The following ATF3 variants were observed in gnomAD, a reference collection of about 807,000 sequenced individuals.
ATF3 encodes activating transcription factor 3.
Under a neutral mutation model 18.4 loss-of-function variants are expected in ATF3, and 10 were observed. The ratio of observed to expected loss-of-function variants is 0.54; its 90% confidence interval spans 0.34 to 0.92. The LOEUF (loss-of-function observed/expected upper bound fraction) is 0.92. Among genes scored for constraint, ATF3 ranks in the 40% least tolerant of loss-of-function variants. The pLI, the probability that ATF3 is intolerant of heterozygous loss-of-function variation, is 0.02. For missense variants in ATF3, 183 were observed against 222.3 expected, an observed-to-expected ratio of 0.82 and a Z score of 1.12; for synonymous variants, 78 against 87.9, an observed-to-expected ratio of 0.89 and a Z score of 0.63.
intron 1 of ATF3, among the ~76,000 whole-genome samples, chr1:212,601,833 A>G (rs1654492328): frequency 6.6e-6 from 1 of 152,310 alleles, no homozygotes; most frequent in Middle Eastern, 3.4e-3. Flanking sequence ...TCAGGTTTCC[A>G]TATGACTTGG....
chr1:212,614,456 G>A (rs1051080502), intron 1 of ATF3, among the ~76,000 whole-genome samples: 5 of 152,082 alleles, frequency 3.3e-5, no homozygotes, highest in African/African-American at 1.2e-4. Context: ...CTTCAGAGAT[G>A]TATTTGCTAA....
chr1:212,618,667 T>TG lies in ATF3; in HGVS notation c.348+434dup. On this transcript the variant is annotated intron_variant, in intron 3 of 3. Transcript: ENST00000341491. The surrounding 1 kb of genome is among the most constrained non-coding windows in gnomAD (Gnocchi z 4.4). Reference sequence around the variant, plus strand: ...TTAATCCACAAGCAGTGGTTACACTTGCTTTGCATTCTTGTCTGGTTCCTA... The same window carrying TG: ...TTAATCCACAAGCAGTGGTTACACTTGGCTTTGCATTCTTGTCTGGTTCCTA... The TG allele has an allele frequency of 2.4e-6, 1 of 416,388 alleles. No homozygotes were observed. The highest frequency in any genetic ancestry group is 4.5e-6 in the Non-Finnish European group (1 of 224,594). 25.8% of individuals were successfully genotyped at this position (416,388 alleles called of 1,614,324 possible). A position where few individuals can be genotyped will look rare whatever the true frequency, so the allele number is the denominator to read the frequency against.
chr1:212,606,096 G>A (rs548129583), upstream of ATF3, among the ~76,000 whole-genome samples: 12 of 152,298 alleles, frequency 7.9e-5, no homozygotes, highest in Non-Finnish European at 1.6e-4. Flanking sequence ...AGGATGCAAA[G>A]GACTCAGATG....
At chr1:212,591,832 A>G (rs1436881752) in intron 1 of ATF3, among the ~76,000 whole-genome samples, 1 of 151,832 alleles carries the variant, frequency 6.6e-6, no homozygotes, top group Admixed American at 6.6e-5. Flanking sequence ...TTATTTATTT[A>G]TTTATTTTTT....
chr1:212,568,891 T>C (rs1488507700), intron 1 of ATF3, among the ~76,000 whole-genome samples: 2 of 152,144 alleles, frequency 1.3e-5, no homozygotes, highest in African/African-American at 4.8e-5. Context: ...CTAATTTGGG[T>C]GTGGGTGACT....
At chr1:212,610,907 T>C (rs1020417535) in intron 1 of ATF3, among the ~76,000 whole-genome samples, 1 of 152,198 alleles carries the variant, frequency 6.6e-6, no homozygotes, top group Non-Finnish European at 1.5e-5. Context: ...CTTTATGACC[T>C]CAGGCAAGTC....
At chr1:212,569,599 T>G (rs1479201140) in intron 1 of ATF3, among the ~76,000 whole-genome samples, 1 of 152,112 alleles carries the variant, frequency 6.6e-6, no homozygotes, top group Non-Finnish European at 1.5e-5. Flanking sequence ...GTAAATTTTT[T>G]TTTGGCTTTT....
upstream of ATF3, among the ~76,000 whole-genome samples, chr1:212,604,769 T>C (rs981672485): frequency 6.6e-6 from 1 of 152,134 alleles, no homozygotes. Flanking sequence ...TTCAGAAAAG[T>C]TGGGAGCCTT....
chr1:212,615,427 A>T (rs925287321), intron 2 of ATF3, among the ~76,000 whole-genome samples, 166 bp downstream of exon 2: 4 of 152,118 alleles, frequency 2.6e-5, no homozygotes, highest in Non-Finnish European at 5.9e-5. Context: ...TACATAACAT[A>T]CGTAAGTACA....
Position 212,619,306 on chromosome 1 carries a change from T to C in ATF3, c.349-52T>C, listed in dbSNP as rs1052746055. The C allele has an allele frequency of 1.2e-6, 2 of 1,612,002 alleles. No homozygotes were observed. The highest frequency in any genetic ancestry group is 1.7e-6 in the Non-Finnish European group (2 of 1,179,938). ...CCAGGCAGCAGCCCAGGCCACCCCC[T>C]CCTCACTGGCCCTTGGCTCCTTTCT... On this transcript the variant is annotated intron_variant, in intron 3 of 3. Coordinates refer to ENST00000341491, the MANE Select transcript of ATF3 (RefSeq NM_001674.4). The surrounding 1 kb of genome is among the most constrained non-coding windows in gnomAD (Gnocchi z 4.4).
chr1:212,577,870 T>G (rs1260870631), intron 1 of ATF3, among the ~76,000 whole-genome samples: 2 of 152,240 alleles, frequency 1.3e-5, no homozygotes, highest in African/African-American at 4.8e-5. Context: ...CTATTCTGAA[T>G]AATGCTGCAA....
upstream of ATF3, among the ~76,000 whole-genome samples, chr1:212,607,040 G>T (rs1571780405): frequency 6.6e-6 from 1 of 152,112 alleles, no homozygotes; most frequent in Admixed American, 6.5e-5. Flanking sequence ...CAGGATCTCG[G>T]AGGATCCCGC....
chr1:212,576,180 A>T (rs866538564), intron 1 of ATF3, among the ~76,000 whole-genome samples: 2 of 152,062 alleles, frequency 1.3e-5, no homozygotes, highest in Non-Finnish European at 2.9e-5. Context: ...AAATTACCAA[A>T]TTTTATTTTT....
rs185363016 is a variant in ATF3 at position 212,619,961 on chromosome 1, G to A, written c.*406G>A. On this transcript the variant is annotated 3_prime_UTR_variant, in exon 4 of 4. Coordinates refer to ENST00000341491, the MANE Select transcript of ATF3 (RefSeq NM_001674.4). This position sits in a 1 kb window ranked among gnomAD's most constrained non-coding sequence, Gnocchi z 4.4. Reference sequence around the variant, plus strand: ...TTCACCGTGGCTACCATTGTCACTCGTAGGGGATGTGGAGTGAGAACAGCA... The same window carrying A: ...TTCACCGTGGCTACCATTGTCACTCATAGGGGATGTGGAGTGAGAACAGCA... 1.1e-4 allele frequency: 30 copies of A among 274,580 alleles called. No individual in the cohort carries two copies. Among genetic ancestry groups the A allele is most frequent in the African/African-American group, 4.8e-4 (22 of 45,712 alleles). 17.0% of individuals were successfully genotyped at this position (274,580 alleles called of 1,614,324 possible). A position where few individuals can be genotyped will look rare whatever the true frequency, so the allele number is the denominator to read the frequency against.
intron 1 of ATF3, among the ~76,000 whole-genome samples, chr1:212,580,920 C>T (rs1245384255): frequency 6.6e-6 from 1 of 152,178 alleles, no homozygotes; most frequent in African/African-American, 2.4e-5. Context: ...AGGTGCCCCC[C>T]ACCATGCCCG....
At chr1:212,598,672 T>C (rs1201366798) in intron 1 of ATF3, among the ~76,000 whole-genome samples, 1 of 152,242 alleles carries the variant, frequency 6.6e-6, no homozygotes, top group Admixed American at 6.5e-5. Context: ...GGTTCAATTG[T>C]TTTATTTGTA....
intron 1 of ATF3, among the ~76,000 whole-genome samples, chr1:212,581,729 G>C (rs546034015): frequency 3.9e-5 from 6 of 152,172 alleles, no homozygotes; most frequent in African/African-American, 1.4e-4. Flanking sequence ...TCAGTACCCA[G>C]AGACATACTT....
intron 1 of ATF3, among the ~76,000 whole-genome samples, chr1:212,575,116 G>C (rs1041014440): frequency 6.6e-6 from 1 of 151,742 alleles, no homozygotes; most frequent in Non-Finnish European, 1.5e-5. Context: ...ATGATACCAC[G>C]ACACCAGAGG....
At chr1:212,614,968 C>T in intron 1 of ATF3, 50 bp from the exon 2 acceptor site, 2 of 1,613,940 alleles carry the variant, frequency 1.2e-6, no homozygotes, top group Non-Finnish European at 1.7e-6. Context: ...GGGACTTGAT[C>T]CCATGCCCCA....
Sources: gnomAD v4.1 joint callset for allele counts (sites outside exome capture counted in the v4.1 genomes callset) on GRCh38, gnomAD v4.1.1 for gene constraint, Gnocchi (gnomAD v3.1) non-coding constraint, MANE v1.5 for transcripts, NCBI Gene and HGNC (gene_info 2026-07-23, HGNC 2026-07-21) for gene names.